NBPF15: variants seen among roughly 807,000 people sequenced by gnomAD.
The protein encoded by NBPF15 is NBPF family member NBPF15.
In NBPF15, 74 loss-of-function variants were observed where a neutral mutation model predicts 62.2. The observed-to-expected ratio is 1.19, with a 90% CI of 0.99 to 1.44. The LOEUF is 1.44. Among genes scored for constraint, NBPF15 ranks in the 40% most tolerant of loss-of-function variants. The pLI, the probability that NBPF15 is intolerant of heterozygous loss-of-function variation, is 0.00. For missense variants in NBPF15, 790 were observed against 550.0 expected (o/e 1.44, Z -4.36); for synonymous variants, 244 against 209.7 (o/e 1.16, Z -1.41).
chr1:144,457,801 C>T (rs1553547444), intron 3 of NBPF15, among the ~76,000 whole-genome samples: 3 of 151,980 alleles, frequency 2.0e-5, no homozygotes, highest in Non-Finnish European at 4.4e-5. Context: ...ATTATTAAAA[C>T]TAAAATGGCC....
chr1:144,426,989 G>C (rs2101685218), intron 17 of NBPF15, 58 bp downstream of exon 17: 1 of 748,850 alleles, frequency 1.3e-6, no homozygotes, highest in Non-Finnish European at 2.4e-6. Flanking sequence ...GTTTTCCCTG[G>C]ACCTGGCATC....
At chr1:144,444,339 G>A (rs1685720878) in intron 6 of NBPF15, among the ~76,000 whole-genome samples, 2 of 150,802 alleles carry the variant, frequency 1.3e-5, no homozygotes, top group Admixed American at 1.3e-4. Context: ...CAAGAGTTTT[G>A]CCTAGGTTTT....
chr1:144,440,946 G>C (rs1363471785), intron 6 of NBPF15, among the ~76,000 whole-genome samples: 1 of 151,788 alleles, frequency 6.6e-6, no homozygotes, highest in Non-Finnish European at 1.5e-5. Context: ...GGGATTACAG[G>C]CATGAGCCAC....
At chr1:144,450,454 A>T (rs1485448145) in intron 5 of NBPF15, among the ~76,000 whole-genome samples, 2 of 151,918 alleles carry the variant, frequency 1.3e-5, no homozygotes, top group African/African-American at 4.8e-5. Context: ...CCCCACAAAC[A>T]AGAATAGGAA....
intron 3 of NBPF15, among the ~76,000 whole-genome samples, chr1:144,457,991 G>T (rs1331948040): frequency 6.6e-6 from 1 of 151,740 alleles, no homozygotes; most frequent in Admixed American, 6.6e-5. Context: ...GGAAGCTGAG[G>T]TGGGCAGACT....
intron 6 of NBPF15, among the ~76,000 whole-genome samples, chr1:144,441,807 T>C (rs1683085669): frequency 6.6e-6 from 1 of 151,230 alleles, no homozygotes; most frequent in South Asian, 2.1e-4. Context: ...GTGGTTAATA[T>C]TAACTTTTTA....
Position 144,423,078 on chromosome 1 carries a change from A to C in NBPF15, c.1948T>G (p.Phe650Val), listed in dbSNP as rs1553538518. Residue 650 changes from phenylalanine to valine, a missense_variant, in exon 22 of 22, where the codon TTT becomes GTT. Transcript: ENST00000581897. ...AGACTTGTCACCGTCAAAGTAAAAA[A>C]CCTATTGTCCACGTAAAGGGCGAAG... ...ISFALYVDNR[F>V]FTLTVTSLHL... The C allele has an allele frequency of 1.2e-6, 2 of 1,611,546 alleles. No homozygotes were observed. Among genetic ancestry groups the C allele is most frequent in the Non-Finnish European group, 1.7e-6 (2 of 1,179,608 alleles).
chr1:144,442,127 ACG>A (rs1683442300), intron 6 of NBPF15, among the ~76,000 whole-genome samples: 1 of 8,326 alleles, frequency 1.2e-4, no homozygotes, highest in African/African-American at 4.0e-4. Context: ...ATATATATAC[ACG>A]TGTATATATA....
intron 13 of NBPF15, among the ~76,000 whole-genome samples, chr1:144,430,885 C>T (rs1228387417): frequency 2.0e-5 from 3 of 151,966 alleles, no homozygotes; most frequent in African/African-American, 7.3e-5. Flanking sequence ...CCTTAAATGA[C>T]CTGATGGAGC....
At chr1:144,461,065 G>A (rs1180424146) in intron 1 of NBPF15, 104 bp from the exon 2 acceptor site, 5 of 150,856 alleles carry the variant, frequency 3.3e-5, no homozygotes, top group Non-Finnish European at 7.4e-5. Flanking sequence ...AGAGGCAACC[G>A]ATTTCTGGCC....
At chr1:144,453,591 T>C (rs1692536023) in intron 4 of NBPF15, among the ~76,000 whole-genome samples, 1 of 141,102 alleles carries the variant, frequency 7.1e-6, no homozygotes, top group South Asian at 2.2e-4. Context: ...ATGGAAAAAC[T>C]GCTGTCCAAA....
intron 14 of NBPF15, 121 bp downstream of exon 14, chr1:144,429,579 T>A: frequency 1.7e-6 from 1 of 582,134 alleles, no homozygotes; most frequent in South Asian, 2.0e-5. Flanking sequence ...TACATTGATA[T>A]ATAGATTCAG....
At chr1:144,445,191 G>A (rs1161240714) in intron 6 of NBPF15, among the ~76,000 whole-genome samples, 1 of 149,714 alleles carries the variant, frequency 6.7e-6, no homozygotes, top group African/African-American at 2.5e-5. Context: ...AGTCTTTTGA[G>A]AAATTGTTTC....
intron 6 of NBPF15, among the ~76,000 whole-genome samples, chr1:144,442,219 A>ACGTGTATG (rs1683870846): frequency 9.5e-6 from 1 of 105,610 alleles, no homozygotes; most frequent in African/African-American, 4.5e-5. Context: ...AATATATATA[A>ACGTGTATG]TATATATATT....
At chr1:144,461,011 C>T (rs1478601823) in intron 1 of NBPF15, 50 bp from the exon 2 acceptor site, 3 of 151,060 alleles carry the variant, frequency 2.0e-5, no homozygotes, top group African/African-American at 7.3e-5. Flanking sequence ...AAGACCCCAA[C>T]TTTGCAAGTC....
At chr1:144,442,206 AT>A (rs1683802476) in intron 6 of NBPF15, among the ~76,000 whole-genome samples, 2,358 of 101,996 alleles carry the variant, frequency 0.023, 324 homozygotes, top group African/African-American at 0.1. Flanking sequence ...TATATATATT[AT>A]TAATATATAT....
chr1:144,447,171 G>A (rs1344377388), intron 6 of NBPF15, among the ~76,000 whole-genome samples: 2 of 152,284 alleles, frequency 1.3e-5, no homozygotes, highest in African/African-American at 2.4e-5. Context: ...ACAAATCCAT[G>A]CAGCATCTCC....
intron 12 of NBPF15, among the ~76,000 whole-genome samples, chr1:144,434,518 A>AAT (rs1676768625): frequency 7.0e-6 from 1 of 143,616 alleles, no homozygotes; most frequent in Non-Finnish European, 1.5e-5. Flanking sequence ...AAAAAAAAAA[A>AAT]AAATCCACGA....
At chr1:144,441,982 C>A (rs1177077557) in intron 6 of NBPF15, among the ~76,000 whole-genome samples, 1 of 147,750 alleles carries the variant, frequency 6.8e-6, no homozygotes, top group Non-Finnish European at 1.5e-5. Flanking sequence ...GGACACAGGG[C>A]GGGGAACATC....
Sources: gnomAD v4.1 joint callset for allele counts (sites outside exome capture counted in the v4.1 genomes callset) on GRCh38, gnomAD v4.1.1 for gene constraint, MANE v1.5 for transcripts, NCBI Gene and HGNC (gene_info 2026-07-23, HGNC 2026-07-21) for gene names.